Variants in MIPOL1 observed in about 807,000 individuals in gnomAD.
The protein encoded by MIPOL1 is mirror-image polydactyly gene 1 protein.
A neutral mutation model predicts 60.9 loss-of-function variants in MIPOL1; 57 were observed. That is an observed-to-expected ratio of 0.94 (90% CI 0.76 to 1.17). The LOEUF (loss-of-function observed/expected upper bound fraction) is 1.17. MIPOL1 is among the 50% of genes most tolerant of loss of function. MIPOL1 has a pLI of 0.00. For missense variants in MIPOL1, 551 were observed against 511.6 expected (o/e 1.08, Z -0.74); for synonymous variants, 179 against 168.8 (o/e 1.06, Z -0.47).
intron 9 of MIPOL1, among the ~76,000 whole-genome samples, chr14:37,316,866 T>C (rs2153441932): frequency 6.6e-6 from 1 of 152,064 alleles, no homozygotes; most frequent in African/African-American, 2.4e-5. Flanking sequence ...TAATCCCAGC[T>C]ACTTGGGAGG....
intron 10 of MIPOL1, among the ~76,000 whole-genome samples, chr14:37,416,758 A>T (rs999813272): frequency 6.6e-5 from 10 of 152,090 alleles, no homozygotes; most frequent in Non-Finnish European, 1.3e-4. Context: ...CATGAGGAAG[A>T]CCGTAAACAG....
At chr14:37,360,018 T>TTTTAGCATGAAGG (rs2092129486) in intron 9 of MIPOL1, among the ~76,000 whole-genome samples, 1 of 152,146 alleles carries the variant, frequency 6.6e-6, no homozygotes, top group Non-Finnish European at 1.5e-5. Context: ...CATTGTGAGT[T>TTTTAGCATGAAGG]TTTAGCATGA....
intron 10 of MIPOL1, among the ~76,000 whole-genome samples, chr14:37,389,041 C>T (rs1950535): frequency 0.97 from 147,445 of 152,192 alleles, 71,498 homozygotes; most frequent in East Asian, 1. Context: ...AATTGGACTA[C>T]TGGAGGTCAT....
chr14:37,538,797 G>C (rs926910473), intron 12 of MIPOL1, among the ~76,000 whole-genome samples: 1 of 152,160 alleles, frequency 6.6e-6, no homozygotes, highest in African/African-American at 2.4e-5. Flanking sequence ...GCTTACTTGA[G>C]AGTGAGATCG....
chr14:37,330,469 A>G (rs558496843), intron 9 of MIPOL1, among the ~76,000 whole-genome samples: 2 of 152,250 alleles, frequency 1.3e-5, no homozygotes, highest in South Asian at 4.1e-4. Context: ...ACTTTAATGT[A>G]TTAAGTATAG....
At chr14:37,428,452 A>G (rs947781145) in intron 11 of MIPOL1, among the ~76,000 whole-genome samples, 3 of 152,026 alleles carry the variant, frequency 2.0e-5, no homozygotes, top group African/African-American at 4.8e-5. Flanking sequence ...TTAGCAAGGC[A>G]TGGCGTGTGC....
At chr14:37,225,188 A>G (rs1969498976) in intron 1 of MIPOL1, among the ~76,000 whole-genome samples, 1 of 152,176 alleles carries the variant, frequency 6.6e-6, no homozygotes, top group South Asian at 2.1e-4. Context: ...TTCCAGGCAC[A>G]TGGTGCAAGC....
In MIPOL1 at chr14:37,308,774, C is replaced by A. The variant is rs150508183; in HGVS notation, c.828+255C>A. 1.8e-3 allele frequency among the ~76,000 whole-genome samples: 268 copies of A among 152,158 alleles called. 1 individual carries two copies. The highest frequency in any genetic ancestry group is 6.6e-3 in the East Asian group (34 of 5,176). On this transcript the variant is annotated intron_variant, in intron 9 of 12. Transcript: ENST00000684589. The stretch of plus-strand genomic sequence containing the variant: ...AAAATTAAACTTGTTTTATTACAGA[C>A]TAACTTGTTATAGAAATTGTTATAT...
chr14:37,234,838 C>T (rs574359688), intron 1 of MIPOL1, among the ~76,000 whole-genome samples: 22 of 151,628 alleles, frequency 1.5e-4, no homozygotes, highest in Non-Finnish European at 2.1e-4. Flanking sequence ...TGTAGCGGCA[C>T]GATCTCGACT....
chr14:37,293,569 G>A (rs181170095), intron 7 of MIPOL1, among the ~76,000 whole-genome samples: 1 of 152,262 alleles, frequency 6.6e-6, no homozygotes, highest in Admixed American at 6.5e-5. Flanking sequence ...TCAAAGAAAG[G>A]GGTGACAGAC....
intron 9 of MIPOL1, among the ~76,000 whole-genome samples, chr14:37,342,586 CAG>C (rs1289674982): frequency 2.0e-5 from 3 of 151,942 alleles, no homozygotes; most frequent in Non-Finnish European, 2.9e-5. Context: ...TTAGTAGAGA[CAG>C]GGTTTCACCA....
At chr14:37,343,478 G>A (rs1394346769) in intron 9 of MIPOL1, among the ~76,000 whole-genome samples, 3 of 152,116 alleles carry the variant, frequency 2.0e-5, no homozygotes, top group Non-Finnish European at 4.4e-5. Context: ...CCAAAGTTTG[G>A]TTTCTGTTTT....
intron 11 of MIPOL1, among the ~76,000 whole-genome samples, chr14:37,482,751 A>G (rs1418739674): frequency 3.9e-5 from 6 of 152,168 alleles, no homozygotes; most frequent in Admixed American, 1.3e-4. Flanking sequence ...TGGGGACACA[A>G]AGCCTAACCA....
intron 1 of MIPOL1, among the ~76,000 whole-genome samples, chr14:37,232,855 A>C (rs1270651902): frequency 6.6e-6 from 1 of 152,234 alleles, no homozygotes; most frequent in Non-Finnish European, 1.5e-5. Flanking sequence ...TCCCATTGCT[A>C]TATCATGCTG....
chr14:37,475,896 C>A (rs1187372426), intron 11 of MIPOL1, among the ~76,000 whole-genome samples: 1 of 152,172 alleles, frequency 6.6e-6, no homozygotes, highest in Non-Finnish European at 1.5e-5. Flanking sequence ...ACTGAGTTGA[C>A]TATTTGGGGT....
intron 1 of MIPOL1, among the ~76,000 whole-genome samples, chr14:37,200,994 C>A (rs1965242529): frequency 1.3e-5 from 2 of 149,818 alleles, no homozygotes; most frequent in Admixed American, 1.3e-4. Flanking sequence ...CCTCTGCCTC[C>A]TGGGCTGAAG....
intron 9 of MIPOL1, among the ~76,000 whole-genome samples, chr14:37,336,290 A>G (rs931684292): frequency 1.3e-5 from 2 of 151,248 alleles, no homozygotes; most frequent in East Asian, 1.9e-4. Context: ...CTTTATGCCA[A>G]TATCACACTG....
At chr14:37,255,471 A>T (rs1056000839) in intron 3 of MIPOL1, among the ~76,000 whole-genome samples, 6 of 151,756 alleles carry the variant, frequency 4.0e-5, no homozygotes, top group Non-Finnish European at 8.9e-5. Flanking sequence ...TTTACTTAGT[A>T]CTCTTTGGAT....
intron 11 of MIPOL1, among the ~76,000 whole-genome samples, chr14:37,446,817 T>TC (rs2094342743): frequency 6.6e-6 from 1 of 151,806 alleles, no homozygotes; most frequent in Non-Finnish European, 1.5e-5. Context: ...AGCAAACTAT[T>TC]GCAAGGACAA....
Sources: allele counts gnomAD v4.1 joint callset (sites outside exome capture counted in the v4.1 genomes callset), GRCh38; gene constraint gnomAD v4.1.1; transcripts MANE v1.5; gene names NCBI Gene and HGNC (gene_info 2026-07-23, HGNC 2026-07-21).